The following GULP1 variants were observed in gnomAD, a reference collection of about 807,000 sequenced individuals.
The protein encoded by GULP1 is GULP PTB domain containing engulfment adaptor 1.
GULP1 carries 19 observed loss-of-function variants against 40.9 expected under a neutral mutation model. The observed-to-expected ratio is 0.46, with a 90% CI of 0.32 to 0.68. The LOEUF (loss-of-function observed/expected upper bound fraction) is 0.68. Among genes scored for constraint, GULP1 ranks in the 30% least tolerant of loss-of-function variants. GULP1 has a pLI of 0.03. For missense variants in GULP1, 312 were observed against 362.2 expected, an observed-to-expected ratio of 0.86 and a Z score of 1.12; for synonymous variants, 119 against 117.6, an observed-to-expected ratio of 1.01 and a Z score of -0.08.
chr2:188,466,423 A>T (rs1575438677), intron 2 of GULP1: 1 of 146,274 alleles, frequency 6.8e-6, no homozygotes, highest in Middle Eastern at 3.5e-3. Flanking sequence ...GACTACAGGC[A>T]CCTGCCACCA....
intron 2 of GULP1, among the ~76,000 whole-genome samples, chr2:188,397,154 A>T (rs573224296): frequency 1.3e-5 from 2 of 152,320 alleles, no homozygotes; most frequent in East Asian, 3.9e-4. Context: ...CTTGTAAGAA[A>T]ATTCACGGTG....
intron 4 of GULP1, among the ~76,000 whole-genome samples, chr2:188,517,017 T>C (rs1415618056): frequency 6.6e-6 from 1 of 152,214 alleles, no homozygotes; most frequent in Non-Finnish European, 1.5e-5. Flanking sequence ...AAGTAGCATA[T>C]AATTCACTTA....
At chr2:188,591,800 G>A (rs1376816497) in intron 11 of GULP1, 1 of 151,618 alleles carries the variant, frequency 6.6e-6, no homozygotes, top group Non-Finnish European at 1.5e-5. Context: ...TTCTTTCCTT[G>A]ATATGCTTTT....
rs141585617 is a variant in GULP1, at chr2:188,486,212, C to T, written c.90+2720C>T. On this transcript the variant is annotated intron_variant, in intron 4 of 11. Coordinates refer to ENST00000409830, the MANE Select transcript of GULP1 (RefSeq NM_016315.4). ...CAAGAGTGTTAGAATGACATTAAAC[C>T]TCTTAGGAAGTTATTTTAATGGTCC... Among the ~76,000 whole-genome samples the T allele has an allele frequency of 4.4e-3, 672 of 152,042 alleles. 2 individuals carry two copies. Among genetic ancestry groups the T allele is most frequent in the African/African-American group, 0.015 (620 of 41,500 alleles).
At chr2:188,514,644 T>C (rs1156880916) in intron 4 of GULP1, among the ~76,000 whole-genome samples, 1 of 152,180 alleles carries the variant, frequency 6.6e-6, no homozygotes, top group Non-Finnish European at 1.5e-5. Context: ...TGCTAATTTT[T>C]TTTGTTTTCT....
In GULP1 at chr2:188,477,576, C is replaced by T. The variant is rs541664911; in HGVS notation, c.-44-83C>T. 47 of 687,712 alleles carry T rather than the reference C, an allele frequency of 6.8e-5. 1 individual carries two copies. The South Asian group carries it at 7.4e-4, about 11-fold the overall frequency. 42.6% of individuals were successfully genotyped at this position (687,712 alleles called of 1,614,324 possible). A position where few individuals can be genotyped will look rare whatever the true frequency, so the allele number is the denominator to read the frequency against. On this transcript the variant is annotated intron_variant, in intron 2 of 11. Coordinates refer to ENST00000409830, the MANE Select transcript of GULP1 (RefSeq NM_016315.4). ...AAATATTTTTAAAAATTTAAAAAGC[C>T]TTTATAATTAAAACCACATTAGCAA...
intron 6 of GULP1, among the ~76,000 whole-genome samples, chr2:188,532,987 A>G (rs1034079954): frequency 1.3e-5 from 2 of 152,158 alleles, no homozygotes; most frequent in Non-Finnish European, 2.9e-5. Flanking sequence ...AAGTTAGGCT[A>G]TCATATCTGT....
At chr2:188,354,602 C>T (rs1415827759) in intron 1 of GULP1, among the ~76,000 whole-genome samples, 2 of 152,160 alleles carry the variant, frequency 1.3e-5, no homozygotes, top group African/African-American at 4.8e-5. Context: ...TGGAACCCAG[C>T]ACTAGTGTGG....
intron 4 of GULP1, among the ~76,000 whole-genome samples, chr2:188,521,131 CAA>C (rs1289374531): frequency 6.6e-6 from 1 of 151,326 alleles, no homozygotes; most frequent in South Asian, 2.1e-4. Flanking sequence ...TGGTATGTCA[CAA>C]GAGCAAAAAA....
intron 2 of GULP1, among the ~76,000 whole-genome samples, chr2:188,454,024 G>A (rs922007839): frequency 1.3e-5 from 2 of 152,174 alleles, no homozygotes; most frequent in African/African-American, 4.8e-5. Context: ...GACCCGTATG[G>A]CTGGCAAGGC....
At chr2:188,306,783 T>C (rs1275203609) in intron 1 of GULP1, among the ~76,000 whole-genome samples, 1 of 152,196 alleles carries the variant, frequency 6.6e-6, no homozygotes, top group Non-Finnish European at 1.5e-5. Context: ...GGTGACAAAA[T>C]GTCATCATCT....
intron 10 of GULP1, among the ~76,000 whole-genome samples, chr2:188,586,646 T>A (rs1400061882): frequency 2.0e-5 from 3 of 152,180 alleles, no homozygotes; most frequent in Non-Finnish European, 2.9e-5. Flanking sequence ...TCCTTTTAGT[T>A]TTAAAAGCAT....
At chr2:188,482,162 A>C (rs554555602) in intron 3 of GULP1, among the ~76,000 whole-genome samples, 83 of 152,074 alleles carry the variant, frequency 5.5e-4, no homozygotes, top group African/African-American at 2.0e-3. Flanking sequence ...ATACTTGAGA[A>C]TATTGCATTG....
intron 5 of GULP1, among the ~76,000 whole-genome samples, chr2:188,526,205 TCCTTCCCC>T: frequency 6.6e-6 from 1 of 152,182 alleles, no homozygotes; most frequent in East Asian, 1.9e-4. Context: ...TACTACTCCA[TCCTTCCCC>T]ATCATTTTAT....
chr2:188,483,422 T>C lies in GULP1; in HGVS notation c.29-9T>C. On this transcript the variant is annotated splice_polypyrimidine_tract_variant and intron_variant, in intron 3 of 11. Transcript: ENST00000409830. The stretch of plus-strand genomic sequence containing the variant: ...CCTAAAATTTAACTCTGTGTATTTT[T>C]TATTGCAGACAAAACATGGATGCAT... 6.8e-7 allele frequency: 1 copy of C among 1,463,734 alleles called. No individual in the cohort carries two copies. Among genetic ancestry groups the C allele is most frequent in the Non-Finnish European group, 9.5e-7 (1 of 1,054,962 alleles). 90.7% of individuals were successfully genotyped at this position (1,463,734 alleles called of 1,614,324 possible).
chr2:188,593,565 T>A (rs1298651155), intron 11 of GULP1: 2 of 153,716 alleles, frequency 1.3e-5, no homozygotes, highest in East Asian at 3.8e-4. Context: ...TCTCATCAAT[T>A]TGAAGCCTAA....
intron 1 of GULP1, among the ~76,000 whole-genome samples, chr2:188,368,945 A>ATATATATATATATATATATATGTGTG (rs2047212028): frequency 3.8e-5 from 1 of 26,368 alleles, no homozygotes; most frequent in East Asian, 7.6e-4. Flanking sequence ...GTGTGTATAT[A>ATATATATATATATATATATATGTGTG]TATATATATA....
chr2:188,490,014 C>CTAACAAGTACTATA (rs2062209789), intron 4 of GULP1, among the ~76,000 whole-genome samples: 1 of 152,054 alleles, frequency 6.6e-6, no homozygotes, highest in Non-Finnish European at 1.5e-5. Context: ...TGAGAGTACT[C>CTAACAAGTACTATA]TAACAAGTGT....
In GULP1 at chr2:188,400,159, A is replaced by G. The variant is rs533626570; in HGVS notation, c.-45+16270A>G. ...GATCCTTCTTTTTTTTCCAGCTTCTAGTGGCTCCTTGTATTGCTTGATTTT... is the reference window on the plus strand; with the variant it reads ...GATCCTTCTTTTTTTTCCAGCTTCTGGTGGCTCCTTGTATTGCTTGATTTT... On this transcript the variant is annotated intron_variant, in intron 2 of 11. Transcript: ENST00000409830. Among the ~76,000 whole-genome samples, 4 of 152,160 alleles carry G rather than the reference A, an allele frequency of 2.6e-5. No homozygotes were observed. The East Asian group carries it at 7.7e-4, about 29-fold the overall frequency.
Sources: gnomAD v4.1 joint callset for allele counts (sites outside exome capture counted in the v4.1 genomes callset) on GRCh38, gnomAD v4.1.1 for gene constraint, MANE v1.5 for transcripts, NCBI Gene and HGNC (gene_info 2026-07-23, HGNC 2026-07-21) for gene names.